The following KBTBD11 variants were observed in gnomAD, a reference collection of about 807,000 sequenced individuals.
KBTBD11 encodes kelch repeat and BTB domain-containing protein 11.
For missense variants in KBTBD11, 1,390 were observed against 1,001.8 expected (o/e 1.39, Z -5.23); for synonymous variants, 747 against 499.0 (o/e 1.50, Z -6.63).
At chr8:1,975,704 T>C (rs1428088263) in intron 1 of KBTBD11, among the ~76,000 whole-genome samples, 1 of 152,256 alleles carries the variant, frequency 6.6e-6, no homozygotes, top group Non-Finnish European at 1.5e-5. Context: ...AGCTTAAATG[T>C]TGTGGCTCTG....
chr8:1,994,919 CG>C (rs1401591934), intron 1 of KBTBD11, among the ~76,000 whole-genome samples: 1 of 152,002 alleles, frequency 6.6e-6, no homozygotes, highest in Non-Finnish European at 1.5e-5. Context: ...ACTAGCCAGG[CG>C]TGATGGTGGG....
intron 1 of KBTBD11, among the ~76,000 whole-genome samples, chr8:1,983,017 G>A (rs1219629383): frequency 5.9e-5 from 9 of 152,100 alleles, no homozygotes; most frequent in Non-Finnish European, 1.3e-4. Context: ...TGAGCCAGGT[G>A]GGCTCTTTTG....
chr8:2,004,154 G>C lies in KBTBD11; in HGVS notation c.*1090G>C, dbSNP rs1007006746. On this transcript the variant is annotated 3_prime_UTR_variant, in exon 2 of 2. Transcript: ENST00000320248. ...CATAGATTTATAACAAGGAAGTGAC[G>C]TGCTTATCACCATAGATTTGCAAGT... The C allele has an allele frequency of 6.0e-6, 1 of 166,938 alleles. No homozygotes were observed. The highest frequency in any genetic ancestry group is 1.5e-5 in the Non-Finnish European group (1 of 68,114). 10.3% of individuals were successfully genotyped at this position (166,938 alleles called of 1,614,324 possible). A position where few individuals can be genotyped will look rare whatever the true frequency, so the allele number is the denominator to read the frequency against.
chr8:1,974,189 C>T, intron 1 of KBTBD11: 1 of 530,356 alleles, frequency 1.9e-6, no homozygotes, highest in Non-Finnish European at 2.2e-6. Context: ...GCGGGGTGGG[C>T]GGCGGTGGGT....
Position 2,002,617 on chromosome 8 carries a change from G to C in KBTBD11, c.1425G>C (p.Pro475=). 1.3e-6 allele frequency: 2 copies of C among 1,583,832 alleles called. No homozygotes were observed. The highest frequency in any genetic ancestry group is 1.7e-6 in the Non-Finnish European group (2 of 1,173,806). The stretch of plus-strand genomic sequence containing the variant: ...TCTATCGCCTGCTCAAGTATGACCC[G>C]CGGCGCGACGAGTGGCAGGAGTGCC... ...SLFYRLLKYD[P]RRDEWQECPC... is the part of the protein sequence containing the mutation. The change falls in exon 2 of 2, where the codon CCG becomes CCC. Residue 475 remains proline, a synonymous_variant. Coordinates refer to ENST00000320248, the MANE Select transcript of KBTBD11 (RefSeq NM_014867.3). This position sits in a 1 kb window ranked among gnomAD's most constrained non-coding sequence, Gnocchi z 4.1.
intron 1 of KBTBD11, among the ~76,000 whole-genome samples, chr8:1,986,265 CT>C: frequency 6.6e-6 from 1 of 152,280 alleles, no homozygotes; most frequent in African/African-American, 2.4e-5. Flanking sequence ...GCTGAATATC[CT>C]ACTTTTGAGA....
rs1817460101 is a variant in KBTBD11 at position 2,003,079 on chromosome 8, C to T, written c.*15C>T. ...GCGCCCCGTAGGCCGGCGGGGTCGG[C>T]GGGCGTCTCCCTCGGCAGGGGTTTG... On this transcript the variant is annotated 3_prime_UTR_variant, in exon 2 of 2. Coordinates refer to ENST00000320248, the MANE Select transcript of KBTBD11 (RefSeq NM_014867.3). 1.1e-5 allele frequency: 14 copies of T among 1,258,100 alleles called. No homozygotes were observed. Among genetic ancestry groups the T allele is most frequent in the South Asian group, 3.1e-5 (1 of 31,914 alleles). 77.9% of individuals were successfully genotyped at this position (1,258,100 alleles called of 1,614,324 possible).
rs577795413 is a variant in KBTBD11 at position 1,994,254 on chromosome 8, C to T, written c.-908-6031C>T. ...TGGGGGACAGCTGGTGGAGCGAGGC[C>T]GGGCCTGCCCCAGGATCCCAGTGCT... On this transcript the variant is annotated intron_variant, in intron 1 of 1. Coordinates refer to ENST00000320248, the MANE Select transcript of KBTBD11 (RefSeq NM_014867.3). Among the ~76,000 whole-genome samples, 44 of 152,316 alleles carry T rather than the reference C, an allele frequency of 2.9e-4. No individual in the cohort carries two copies. The South Asian group carries it at 5.4e-3, about 19-fold the overall frequency.
intron 1 of KBTBD11, among the ~76,000 whole-genome samples, chr8:1,980,485 A>C (rs575988509): frequency 2.6e-5 from 4 of 152,214 alleles, no homozygotes; most frequent in Non-Finnish European, 5.9e-5. Flanking sequence ...TCGGCCTCCC[A>C]AAGTGCAGGG....
At chr8:1,985,724 C>G (rs936146346) in intron 1 of KBTBD11, among the ~76,000 whole-genome samples, 1 of 152,206 alleles carries the variant, frequency 6.6e-6, no homozygotes, top group African/African-American at 2.4e-5. Flanking sequence ...CTTTGGGAGT[C>G]CCAGGCTGCA....
Position 2,001,702 on chromosome 8 carries a change from G to T in KBTBD11, c.510G>T (p.Ser170=). The T allele has an allele frequency of 7.0e-7, 1 of 1,429,468 alleles. No individual in the cohort carries two copies. The highest frequency in any genetic ancestry group is 9.1e-7 in the Non-Finnish European group (1 of 1,096,526). The allele number at this position is 1,429,468 out of a possible 1,614,324, so 88.5% of individuals were successfully genotyped here. A position where few individuals can be genotyped will look rare whatever the true frequency, so the allele number is the denominator to read the frequency against. ...GCGACTACTTCCGCGCGCGCGCGTC[G>T]CGGGACGTGCTGCGGGTGCAGGGAG... ...ARSDYFRARA[S]RDVLRVQGVS... Residue 170 remains serine, a synonymous_variant, in exon 2 of 2, where the codon TCG becomes TCT. Transcript: ENST00000320248.
chr8:1,984,235 C>T (rs907606558), intron 1 of KBTBD11, among the ~76,000 whole-genome samples: 23 of 145,996 alleles, frequency 1.6e-4, no homozygotes, highest in African/African-American at 2.6e-4. Flanking sequence ...CCTGGGAGTT[C>T]GGGACCAGCC....
intron 1 of KBTBD11, among the ~76,000 whole-genome samples, chr8:1,980,767 T>C (rs1201394630): frequency 6.6e-6 from 1 of 152,200 alleles, no homozygotes; most frequent in African/African-American, 2.4e-5. Context: ...TTCCTACTGG[T>C]TCTGTTAACT....
chr8:1,980,736 G>T lies in KBTBD11; in HGVS notation c.-909+6801G>T, dbSNP rs574334493. On this transcript the variant is annotated intron_variant, in intron 1 of 1. Transcript: ENST00000320248. ...GGCACCACGCAGCCGCCAGGGCAGG[G>T]GCAGGGCAGGGGCAGCATGTTTCCT... is the stretch of plus-strand genomic sequence containing the variant. Among the ~76,000 whole-genome samples the T allele has an allele frequency of 2.0e-5, 3 of 152,310 alleles. No individual in the cohort carries two copies. The South Asian group carries it at 6.2e-4, about 32-fold the overall frequency.
In KBTBD11 at chr8:2,005,898, T is replaced by A. The variant is rs1387075577; in HGVS notation, c.*2834T>A. The A allele has an allele frequency of 6.0e-6, 1 of 167,114 alleles. No homozygotes were observed. The highest frequency in any genetic ancestry group is 1.5e-5 in the Non-Finnish European group (1 of 68,118). The allele number at this position is 167,114 out of a possible 1,614,324, so 10.4% of individuals were successfully genotyped here. A position where few individuals can be genotyped will look rare whatever the true frequency, so the allele number is the denominator to read the frequency against. The stretch of plus-strand genomic sequence containing the variant: ...ACAGCAATCCCTTCTGTATTGCCAA[T>A]CAAGGTTCATTTGAGATGCAGAGGA... On this transcript the variant is annotated 3_prime_UTR_variant, in exon 2 of 2. Transcript: ENST00000320248.
chr8:1,991,430 C>G (rs1816912312), intron 1 of KBTBD11, among the ~76,000 whole-genome samples: 1 of 152,246 alleles, frequency 6.6e-6, no homozygotes, highest in Non-Finnish European at 1.5e-5. Flanking sequence ...CCTTCGGCAC[C>G]ACATGCTCCA....
intron 1 of KBTBD11, among the ~76,000 whole-genome samples, chr8:1,995,861 C>G (rs1051985118): frequency 6.6e-6 from 1 of 152,102 alleles, no homozygotes; most frequent in Non-Finnish European, 1.5e-5. Context: ...CCTGTTTCTA[C>G]TAAACATACA....
intron 1 of KBTBD11, among the ~76,000 whole-genome samples, chr8:1,988,886 A>G (rs35004545): frequency 0.055 from 8,202 of 149,904 alleles, 317 homozygotes; most frequent in Non-Finnish European, 0.079. Context: ...TAACATATCA[A>G]TGTAAATCTA....
chr8:1,977,635 T>C (rs4875935), intron 1 of KBTBD11, among the ~76,000 whole-genome samples: 7,950 of 152,236 alleles, frequency 0.052, 276 homozygotes, highest in Middle Eastern at 0.11. Context: ...GCAATTCTCA[T>C]GTCTCAGTCT....
Sources: allele counts gnomAD v4.1 joint callset (sites outside exome capture counted in the v4.1 genomes callset), GRCh38; gene constraint gnomAD v4.1.1; non-coding constraint Gnocchi (gnomAD v3.1); transcripts MANE v1.5; gene names NCBI Gene and HGNC (gene_info 2026-07-23, HGNC 2026-07-21).